MCTP1: variants seen among roughly 807,000 people sequenced by gnomAD.
The protein encoded by MCTP1 is multiple C2 and transmembrane domain containing 1, also known as multiple C2 and transmembrane domain-containing protein 1.
Under a neutral mutation model 120.6 loss-of-function variants are expected in MCTP1, and 69 were observed. The ratio of observed to expected loss-of-function variants is 0.57; its 90% CI spans 0.47 to 0.70. MCTP1 has a LOEUF of 0.70. MCTP1 is among the 30% of genes least tolerant of loss of function. The probability of loss-of-function intolerance (pLI) is 0.00; values close to 1 mark genes in which losing one functional copy is unlikely to be tolerated. For synonymous variants in MCTP1, 529 were observed against 493.1 expected (o/e 1.07, Z -0.96); for missense variants, 1,203 against 1,248.8 (o/e 0.96, Z 0.55).
At chr5:95,170,768 T>A (rs1341144624) in intron 1 of MCTP1, among the ~76,000 whole-genome samples, 1 of 152,222 alleles carries the variant, frequency 6.6e-6, no homozygotes, top group Non-Finnish European at 1.5e-5. Flanking sequence ...GCTTGGTAGA[T>A]CTTCTTCCAT....
At chr5:95,184,386 T>G (rs944243822) in intron 1 of MCTP1, among the ~76,000 whole-genome samples, 1 of 152,112 alleles carries the variant, frequency 6.6e-6, no homozygotes, top group Admixed American at 6.6e-5. Context: ...ACCAAACATT[T>G]AAAAAATTGA....
At position 95,188,669 on chromosome 5, in the gene MCTP1, T is replaced by A. The variant is rs1286693055; in HGVS notation, c.720+95187A>T. Among the ~76,000 whole-genome samples the A allele has an allele frequency of 3.3e-5, 5 of 152,274 alleles. No individual in the cohort carries two copies. The South Asian group carries it at 1.0e-3, about 32-fold the overall frequency. On this transcript the variant is annotated intron_variant, in intron 1 of 22. Transcript: ENST00000515393. The stretch of plus-strand genomic sequence containing the variant: ...TAGAGATGGAGAATATATTACTCAT[T>A]TCCAGGGGTTGGGGATGGAGGAGAT...
At chr5:95,114,525 G>T (rs1237306141) in intron 1 of MCTP1, among the ~76,000 whole-genome samples, 2 of 152,214 alleles carry the variant, frequency 1.3e-5, no homozygotes, top group African/African-American at 4.8e-5. Flanking sequence ...AATACTCCAT[G>T]TGGGCCTGTG....
At chr5:94,763,868 T>C (rs1045658908) in intron 19 of MCTP1, among the ~76,000 whole-genome samples, 6 of 152,222 alleles carry the variant, frequency 3.9e-5, no homozygotes, top group Non-Finnish European at 5.9e-5. Context: ...AAATTCATGT[T>C]TTATGTCAAA....
intron 1 of MCTP1, among the ~76,000 whole-genome samples, chr5:95,034,868 C>G (rs1840963732): frequency 6.6e-6 from 1 of 151,584 alleles, no homozygotes; most frequent in African/African-American, 2.4e-5. Context: ...TTTAAAAAAT[C>G]AACAAGAAAA....
chr5:94,947,976 T>A (rs1292029665), intron 3 of MCTP1, among the ~76,000 whole-genome samples: 1 of 152,014 alleles, frequency 6.6e-6, no homozygotes, highest in Non-Finnish European at 1.5e-5. Flanking sequence ...GATCATATAA[T>A]GTGATCTAAG....
intron 1 of MCTP1, among the ~76,000 whole-genome samples, chr5:95,277,580 T>C (rs1166893420): frequency 6.6e-6 from 1 of 152,246 alleles, no homozygotes; most frequent in East Asian, 1.9e-4. Flanking sequence ...CCTGAACTGT[T>C]TTACAATGCT....
intron 18 of MCTP1, among the ~76,000 whole-genome samples, chr5:94,781,592 T>C (rs1222701343): frequency 6.6e-6 from 1 of 152,158 alleles, no homozygotes; most frequent in African/African-American, 2.4e-5. Context: ...ACCATTAAGG[T>C]TGGAGAATCT....
chr5:94,917,971 C>T lies in MCTP1; in HGVS notation c.1275G>A (p.Thr425=), dbSNP rs147683849. Residue 425 remains threonine (T), a splice_region_variant and synonymous_variant, in exon 8 of 23, where the codon ACG becomes ACA. Coordinates refer to ENST00000515393, the MANE Select transcript of MCTP1 (RefSeq NM_024717.7). The part of the protein sequence containing the change: ...YFSVKSLFWR[T]CGRPALPVLG... ...GGACAGGAAGAGCTGGCCTGCCGCA[C>T]GTCTGGATGGAAATGAATGATCAGA... 40 of 1,613,584 alleles carry T rather than the reference C, an allele frequency of 2.5e-5. No individual in the cohort carries two copies. Among genetic ancestry groups the T allele is most frequent in the Middle Eastern group, 1.7e-4 (1 of 6,054 alleles).
At chr5:95,149,873 T>C (rs1031599746) in intron 1 of MCTP1, among the ~76,000 whole-genome samples, 1 of 152,202 alleles carries the variant, frequency 6.6e-6, no homozygotes, top group Non-Finnish European at 1.5e-5. Flanking sequence ...GAAGTGTGCA[T>C]TCCCCAGGGC....
chr5:95,041,786 G>A (rs899336604), intron 1 of MCTP1, among the ~76,000 whole-genome samples: 2 of 152,120 alleles, frequency 1.3e-5, no homozygotes, highest in African/African-American at 4.8e-5. Context: ...GAAGTTGTAG[G>A]AAAAATATTC....
intron 2 of MCTP1, among the ~76,000 whole-genome samples, chr5:94,958,209 T>C (rs1020503767): frequency 3.9e-5 from 6 of 152,170 alleles, no homozygotes; most frequent in African/African-American, 1.2e-4. Flanking sequence ...AAATAAGTTC[T>C]TTGAAACCAA....
intron 1 of MCTP1, among the ~76,000 whole-genome samples, chr5:95,279,791 C>T (rs1760165440): frequency 6.6e-6 from 1 of 152,170 alleles, no homozygotes; most frequent in Non-Finnish European, 1.5e-5. Context: ...ATGATCCGAG[C>T]ACTTTTCATG....
Position 95,099,713 on chromosome 5 carries a change from G to A in MCTP1, c.721-82229C>T, listed in dbSNP as rs1367966306. Among the ~76,000 whole-genome samples the A allele has an allele frequency of 4.6e-5, 7 of 151,732 alleles. No homozygotes were observed. In the East Asian group the frequency reaches 1.4e-3, roughly 29 times the overall value. On this transcript the variant is annotated intron_variant, in intron 1 of 22. Coordinates refer to ENST00000515393, the MANE Select transcript of MCTP1 (RefSeq NM_024717.7). ...GTTCGACCATTGTGGAAGTCAGTGC[G>A]GCGATTCCTCAGGGATCTAGAACTA...
chr5:95,042,521 A>T (rs962128188), intron 1 of MCTP1, among the ~76,000 whole-genome samples: 12 of 152,344 alleles, frequency 7.9e-5, no homozygotes, highest in African/African-American at 2.9e-4. Flanking sequence ...ATAGTTGGGA[A>T]TGTCATGTGC....
chr5:95,267,328 G>A (rs1758982921), intron 1 of MCTP1, among the ~76,000 whole-genome samples: 1 of 152,108 alleles, frequency 6.6e-6, no homozygotes, highest in African/African-American at 2.4e-5. Context: ...ATTTACAGTT[G>A]TAACATCTGG....
chr5:95,125,208 ATTTG>A (rs1758534391), intron 1 of MCTP1, among the ~76,000 whole-genome samples: 1 of 152,148 alleles, frequency 6.6e-6, no homozygotes, highest in Non-Finnish European at 1.5e-5. Context: ...CAATCCAATC[ATTTG>A]TTTAATTGAT....
chr5:95,279,985 T>A (rs1390635162), intron 1 of MCTP1, among the ~76,000 whole-genome samples: 2 of 152,218 alleles, frequency 1.3e-5, no homozygotes, highest in African/African-American at 4.8e-5. Flanking sequence ...CTTTAGTCGT[T>A]TATAATAGGA....
At chr5:94,748,013 C>A (rs1243805626) in intron 19 of MCTP1, among the ~76,000 whole-genome samples, 3 of 152,120 alleles carry the variant, frequency 2.0e-5, no homozygotes, top group Admixed American at 1.3e-4. Flanking sequence ...TTGCTTGAAC[C>A]CAGGAGTCAG....
Sources: gnomAD v4.1 joint callset for allele counts (sites outside exome capture counted in the v4.1 genomes callset) on GRCh38, gnomAD v4.1.1 for gene constraint, MANE v1.5 for transcripts, NCBI Gene and HGNC (gene_info 2026-07-23, HGNC 2026-07-21) for gene names.